MTSS1: variants seen among roughly 807,000 people sequenced by gnomAD.
MTSS1 encodes the protein protein MTSS 1.
In MTSS1, 18 loss-of-function variants were observed where a neutral mutation model predicts 79.0. That is an observed-to-expected ratio of 0.23 (90% confidence interval 0.16 to 0.34). The LOEUF (loss-of-function observed/expected upper bound fraction) is 0.34, where lower values mean the gene tolerates loss of function less well. Among genes scored for constraint, MTSS1 ranks in the 10% least tolerant of loss-of-function variants. The probability of loss-of-function intolerance (pLI) is 1.00; values close to 1 mark genes in which losing one functional copy is unlikely to be tolerated. For missense variants in MTSS1, 815 were observed against 986.2 expected (o/e 0.83, Z 2.33); for synonymous variants, 341 against 368.6 (o/e 0.93, Z 0.86).
chr8:124,576,973 G>A (rs1829087843), intron 6 of MTSS1, among the ~76,000 whole-genome samples: 1 of 152,200 alleles, frequency 6.6e-6, no homozygotes, highest in Non-Finnish European at 1.5e-5. Flanking sequence ...GCAGCCACAG[G>A]GAAGTCAGGT....
At chr8:124,668,599 G>A (rs779721104) in intron 3 of MTSS1, among the ~76,000 whole-genome samples, 3 of 152,124 alleles carry the variant, frequency 2.0e-5, no homozygotes, top group African/African-American at 7.2e-5. Flanking sequence ...GACACTCTTC[G>A]ACAGCATGCC....
intron 3 of MTSS1, among the ~76,000 whole-genome samples, chr8:124,620,879 A>G (rs1001957235): frequency 1.3e-4 from 20 of 152,380 alleles, no homozygotes; most frequent in African/African-American, 4.8e-4. Context: ...AGAGCGAATG[A>G]AACAGTATCG....
intron 3 of MTSS1, among the ~76,000 whole-genome samples, chr8:124,669,903 G>A (rs981865354): frequency 6.6e-6 from 1 of 152,096 alleles, no homozygotes; most frequent in East Asian, 1.9e-4. Context: ...CTCTGCAGTA[G>A]GATGTGTCTG....
chr8:124,578,219 T>C (rs934001186), intron 6 of MTSS1, among the ~76,000 whole-genome samples: 3 of 152,076 alleles, frequency 2.0e-5, no homozygotes, highest in Non-Finnish European at 4.4e-5. Flanking sequence ...TGGTTCTCTA[T>C]GCACACAGTC....
chr8:124,600,053 AACAAAAAAAAAAC>A (rs1342691020), intron 3 of MTSS1, among the ~76,000 whole-genome samples: 4 of 77,562 alleles, frequency 5.2e-5, no homozygotes, highest in East Asian at 1.0e-3. Context: ...AAAAAAAAAA[AACAAAAAAAAAAC>A]CAAATATGCT....
At chr8:124,607,747 G>C (rs1587229930) in intron 3 of MTSS1, among the ~76,000 whole-genome samples, 2 of 152,128 alleles carry the variant, frequency 1.3e-5, no homozygotes, top group African/African-American at 4.8e-5. Context: ...ACTATTCTCA[G>C]TAGGTCTAAA....
chr8:124,554,623 T>TA (rs1406625571), intron 13 of MTSS1, among the ~76,000 whole-genome samples: 3 of 152,216 alleles, frequency 2.0e-5, no homozygotes, highest in Non-Finnish European at 4.4e-5. Flanking sequence ...GCAGGTTTGA[T>TA]AGAGGATTTG....
intron 3 of MTSS1, among the ~76,000 whole-genome samples, chr8:124,678,161 A>G (rs930690839): frequency 1.3e-5 from 2 of 152,184 alleles, no homozygotes; most frequent in Non-Finnish European, 2.9e-5. Context: ...AATGCATTTT[A>G]GAGATGAGTT....
At chr8:124,571,405 T>C (rs1827743641) in intron 6 of MTSS1, among the ~76,000 whole-genome samples, 1 of 152,256 alleles carries the variant, frequency 6.6e-6, no homozygotes, top group Non-Finnish European at 1.5e-5. Flanking sequence ...ACCCTTGCTT[T>C]TCCTCTGCAA....
At chr8:124,638,893 C>T (rs1170929127) in intron 3 of MTSS1, among the ~76,000 whole-genome samples, 5 of 152,214 alleles carry the variant, frequency 3.3e-5, no homozygotes, top group Non-Finnish European at 5.9e-5. Flanking sequence ...CCAGAACAAT[C>T]TCCATGAGGT....
Position 124,727,854 on chromosome 8 carries a change from G to C in MTSS1, c.72+30C>G. 1.3e-6 allele frequency: 2 copies of C among 1,560,126 alleles called. No individual in the cohort carries two copies. The highest frequency in any genetic ancestry group is 1.4e-5 in the African/African-American group (1 of 71,074). ...GCGGCGAGGTCAGAGCGCGGCGGCC[G>C]GCGCCGCAGCCGCACCCCCGGCGTC... On this transcript the variant is annotated intron_variant, in intron 1 of 13. Transcript: ENST00000518547. This position sits in a 1 kb window ranked among gnomAD's most constrained non-coding sequence, Gnocchi z 4.7.
At chr8:124,657,008 A>C (rs1164447705) in intron 3 of MTSS1, among the ~76,000 whole-genome samples, 1 of 152,148 alleles carries the variant, frequency 6.6e-6, no homozygotes, top group Non-Finnish European at 1.5e-5. Flanking sequence ...AATAAATTAG[A>C]CTAAATTAAA....
intron 3 of MTSS1, among the ~76,000 whole-genome samples, chr8:124,634,936 C>T (rs1023481774): frequency 1.3e-5 from 2 of 152,188 alleles, no homozygotes; most frequent in African/African-American, 4.8e-5. Context: ...TAAAAGACAG[C>T]AAATGATTTT....
chr8:124,584,949 G>C (rs1409177974), intron 6 of MTSS1, 138 bp downstream of exon 6: 1 of 696,670 alleles, frequency 1.4e-6, no homozygotes, highest in Non-Finnish European at 2.5e-6. Flanking sequence ...TGTGAACTCA[G>C]ATAGGTCCTA....
intron 3 of MTSS1, among the ~76,000 whole-genome samples, chr8:124,660,432 GCACACACA>G (rs5894719): frequency 0.039 from 5,443 of 140,756 alleles, 328 homozygotes; most frequent in African/African-American, 0.13. Context: ...CCATGCGCAT[GCACACACA>G]CACACACACA....
At chr8:124,672,476 AG>A (rs1207434746) in intron 3 of MTSS1, among the ~76,000 whole-genome samples, 2 of 151,652 alleles carry the variant, frequency 1.3e-5, no homozygotes, top group Non-Finnish European at 2.9e-5. Flanking sequence ...CCTGGGCAAC[AG>A]AGCAAGACTC....
chr8:124,561,506 A>G (rs1825310825), intron 10 of MTSS1, among the ~76,000 whole-genome samples: 1 of 152,146 alleles, frequency 6.6e-6, no homozygotes, highest in Non-Finnish European at 1.5e-5. Context: ...AGTAAACCCA[A>G]TATGCCCTCT....
rs759794890 is a variant in MTSS1, at chr8:124,557,734, A to G, written c.1177T>C (p.Tyr393His). 6.2e-7 allele frequency: 1 copy of G among 1,601,030 alleles called. No homozygotes were observed. The highest frequency in any genetic ancestry group is 8.5e-7 in the Non-Finnish European group (1 of 1,173,844). ...AACATGCCGGGCCCAATGGTGTAAT[A>G]ATGAGCGTAGTCTGGAAGGTGGACA... ...TSVHLPDYAH[Y>H]YTIGPGMFPS... Residue 393 changes from tyrosine to histidine, a missense_variant, in exon 11 of 14, where the codon TAT becomes CAT. Transcript: ENST00000518547.
intron 3 of MTSS1, among the ~76,000 whole-genome samples, chr8:124,652,742 C>T (rs564601374): frequency 6.7e-6 from 1 of 150,244 alleles, no homozygotes; most frequent in South Asian, 2.1e-4. Context: ...TTTCAGTGAG[C>T]CGAGATCGTG....
Sources: allele counts gnomAD v4.1 joint callset (sites outside exome capture counted in the v4.1 genomes callset), GRCh38; gene constraint gnomAD v4.1.1; non-coding constraint Gnocchi (gnomAD v3.1); transcripts MANE v1.5; gene names NCBI Gene and HGNC (gene_info 2026-07-23, HGNC 2026-07-21).